The following TSPOAP1 variants were observed in gnomAD, a reference collection of about 807,000 sequenced individuals.
TSPOAP1 encodes the protein TSPO associated protein 1.
Under a neutral mutation model 197.0 loss-of-function variants are expected in TSPOAP1, and 87 were observed. The ratio of observed to expected loss-of-function variants is 0.44; its 90% CI spans 0.37 to 0.53. The LOEUF (loss-of-function observed/expected upper bound fraction) is 0.53. Ranked by LOEUF, TSPOAP1 falls within the 20% of genes least tolerant of loss-of-function variation. The probability of loss-of-function intolerance (pLI) is 0.00; values close to 1 mark genes in which losing one functional copy is unlikely to be tolerated. For synonymous variants in TSPOAP1, 913 were observed against 998.9 expected (o/e 0.91, Z 1.62); for missense variants, 2,174 against 2,411.3 (o/e 0.90, Z 2.06).
At chr17:58,318,658 G>A (rs982836112) in intron 13 of TSPOAP1, among the ~76,000 whole-genome samples, 1 of 152,164 alleles carries the variant, frequency 6.6e-6, no homozygotes, top group African/African-American at 2.4e-5. Flanking sequence ...AGCTTGATGA[G>A]ATGCATTTAA....
intron 22 of TSPOAP1, 84 bp from the exon 23 acceptor site, chr17:58,308,025 G>C (rs1253464996): frequency 3.7e-6 from 5 of 1,346,014 alleles, no homozygotes; most frequent in Non-Finnish European, 5.1e-6. Context: ...CCCCATCAGC[G>C]TAAGCAGCAC....
chr17:58,302,443 C>T lies in TSPOAP1; in HGVS notation c.*37G>A. 1 of 1,243,132 alleles carries T rather than the reference C, an allele frequency of 8.0e-7. No individual in the cohort carries two copies. Among genetic ancestry groups the T allele is most frequent in the Non-Finnish European group, 1.0e-6 (1 of 969,978 alleles). 77.0% of individuals were successfully genotyped at this position (1,243,132 alleles called of 1,614,324 possible). On this transcript the variant is annotated 3_prime_UTR_variant, in exon 32 of 32. Coordinates refer to ENST00000343736, the MANE Select transcript of TSPOAP1 (RefSeq NM_004758.4). ...TGGGGACCCTTGTGTGGTGCAGCCC[C>T]AGTCCTGAAATGTGAGACAGAAGGA... is the stretch of plus-strand genomic sequence containing the variant.
Position 58,304,478 on chromosome 17 carries a change from C to A in TSPOAP1, c.5545-79G>T. 6 of 1,204,064 alleles carry A rather than the reference C, an allele frequency of 5.0e-6. No individual in the cohort carries two copies. The highest frequency in any genetic ancestry group is 6.2e-6 in the Non-Finnish European group (5 of 807,232). 74.6% of individuals were successfully genotyped at this position (1,204,064 alleles called of 1,614,324 possible). ...TCCGCCCGGCCACCAGGTGGCCCTG[C>A]GCAGGGGTGGGCCCTACTCTCCAAG... is the stretch of plus-strand genomic sequence containing the variant. On this transcript the variant is annotated intron_variant, in intron 30 of 31. Coordinates refer to ENST00000343736, the MANE Select transcript of TSPOAP1 (RefSeq NM_004758.4). The surrounding 1 kb of genome is among the most constrained non-coding windows in gnomAD (Gnocchi z 4.2).
At position 58,327,516 on chromosome 17, in the gene TSPOAP1, C is replaced by T. The variant is rs186125605; in HGVS notation, c.333+72G>A. 19 of 1,523,458 alleles carry T rather than the reference C, an allele frequency of 1.2e-5. No homozygotes were observed. The Admixed American group carries it at 2.8e-4, about 22-fold the overall frequency. 94.4% of individuals were successfully genotyped at this position (1,523,458 alleles called of 1,614,324 possible). On this transcript the variant is annotated intron_variant, in intron 1 of 31. Transcript: ENST00000343736. ...ATTGGGGATGCATACCTCGCCTCAC[C>T]TCCTGGCCAGGCTGGAGGACATGGT... is the stretch of plus-strand genomic sequence containing the variant.
rs771533071 is a variant in TSPOAP1 at position 58,307,928 on chromosome 17, C to A, written c.4745G>T (p.Gly1582Val). The change falls in exon 23 of 32, where the codon GGA becomes GTA. Residue 1582 changes from glycine to valine, a missense_variant. Gly to Val is a moderately radical substitution (Grantham distance 109, BLOSUM62 -3). Around this residue, in one of 5 missense-constraint regions of TSPOAP1, gnomAD observed 1,933 missense variants for 2,139.0 expected, o/e 0.90. Transcript: ENST00000343736. ...KEPLSRATET[G>V]EARGQDGSGR... Reference sequence around the variant, plus strand: ...AGAGCCGTCCTGCCCTCTGGCCTCTCCGGTCTCTGTTGCCTGCAAAAAGAG... The same window carrying A: ...AGAGCCGTCCTGCCCTCTGGCCTCTACGGTCTCTGTTGCCTGCAAAAAGAG... 4 of 1,612,280 alleles carry A rather than the reference C, an allele frequency of 2.5e-6. No individual in the cohort carries two copies. The South Asian group carries it at 3.3e-5, about 13-fold the overall frequency.
intron 1 of TSPOAP1, 115 bp downstream of exon 1, chr17:58,327,473 A>T: frequency 9.5e-7 from 1 of 1,053,142 alleles, no homozygotes; most frequent in Non-Finnish European, 1.4e-6. Context: ...CAGACAGGCC[A>T]AGAGAGGACA....
At position 58,312,558 on chromosome 17, in the gene TSPOAP1, C is replaced by G. The variant is rs144600978; in HGVS notation, c.2263G>C (p.Gly755Arg). 2 of 1,609,304 alleles carry G rather than the reference C, an allele frequency of 1.2e-6. No homozygotes were observed. The change falls in exon 17 of 32, where the codon GGG (glycine) becomes CGG (arginine). Residue 755 changes from glycine to arginine, a missense_variant. Transcript: ENST00000343736. ...CTCCTTCCCACACTGCTTTGGCCCC[C>G]GCTACTGCTGCCACCCCCACCTACA... is the stretch of plus-strand genomic sequence containing the variant. ...LSVGGGGSSS[G>R]GQSSVGRSQP...
At chr17:58,306,764 G>A (rs1970907620) in intron 25 of TSPOAP1, 36 bp downstream of exon 25, 1 of 1,587,588 alleles carries the variant, frequency 6.3e-7, no homozygotes. Context: ...GAAGGGGGCT[G>A]GTGGGAGGTG....
chr17:58,306,474 T>C (rs1567838465), intron 25 of TSPOAP1, 61 bp from the exon 26 acceptor site: 2 of 1,441,842 alleles, frequency 1.4e-6, no homozygotes, highest in East Asian at 2.5e-5. Flanking sequence ...GGACTGGGAC[T>C]CTGGAGTTTC....
chr17:58,306,071 T>C (rs1020835635), intron 26 of TSPOAP1, among the ~76,000 whole-genome samples: 15 of 152,150 alleles, frequency 9.9e-5, no homozygotes, highest in Non-Finnish European at 2.1e-4. Flanking sequence ...GATTTTATAG[T>C]CAGGTGCCTG....
rs1387062455 is a variant in TSPOAP1, at chr17:58,324,109, TC to T, written c.943-565del. Among the ~76,000 whole-genome samples the T allele has an allele frequency of 2.6e-5, 4 of 152,098 alleles. No individual in the cohort carries two copies. The highest frequency in any genetic ancestry group is 9.7e-5 in the African/African-American group (4 of 41,420). On this transcript the variant is annotated intron_variant, in intron 5 of 31. Coordinates refer to ENST00000343736, the MANE Select transcript of TSPOAP1 (RefSeq NM_004758.4). The surrounding 1 kb of genome is among the most constrained non-coding windows in gnomAD (Gnocchi z 5.8). ...ACAGGTCTTGATGGGAGGGTGCATC[TC>T]CCTTCCAGGGCCAGCCAGGGAGACA...
chr17:58,305,359 G>C, intron 29 of TSPOAP1, 28 bp downstream of exon 29: 2 of 1,612,166 alleles, frequency 1.2e-6, no homozygotes, highest in Non-Finnish European at 1.7e-6. Context: ...GCTGGGATAT[G>C]GTACACCCTC....
rs35853224 is a variant in TSPOAP1, at chr17:58,304,231, T to TA, written c.*32+106dup. ...AGCTCTCCTTCGCCATTCCCTGGACTACAGTGGGAAAGCTGGGTCAGCTCC... is the reference window on the plus strand; with the variant it reads ...AGCTCTCCTTCGCCATTCCCTGGACTAACAGTGGGAAAGCTGGGTCAGCTCC... On this transcript the variant is annotated intron_variant, in intron 31 of 31. Transcript: ENST00000343736. This position sits in a 1 kb window ranked among gnomAD's most constrained non-coding sequence, Gnocchi z 4.2. 0.13 allele frequency: 125,964 copies of TA among 955,442 alleles called. 9,699 individuals carry two copies. Among genetic ancestry groups the TA allele is most frequent in the Non-Finnish European group, 0.16 (96,413 of 612,226 alleles). The allele number at this position is 955,442 out of a possible 1,614,324, so 59.2% of individuals were successfully genotyped here.
intron 24 of TSPOAP1, 100 bp from the exon 25 acceptor site, chr17:58,307,068 T>C: frequency 7.6e-7 from 1 of 1,311,418 alleles, no homozygotes; most frequent in Non-Finnish European, 1.1e-6. Context: ...AGAAGAATGT[T>C]CTCCCTTTTG....
At chr17:58,313,257 T>C (rs1971125122) in intron 16 of TSPOAP1, among the ~76,000 whole-genome samples, 1 of 152,198 alleles carries the variant, frequency 6.6e-6, no homozygotes, top group Non-Finnish European at 1.5e-5. Flanking sequence ...AACTTTTGTG[T>C]TAAAAATTGC....
chr17:58,316,198 C>T (rs1369927580), intron 15 of TSPOAP1, 66 bp from the exon 16 acceptor site: 1 of 1,324,214 alleles, frequency 7.6e-7, no homozygotes, highest in African/African-American at 1.4e-5. Context: ...GTCCTGTCTT[C>T]TCTCTCCCAC....
At position 58,306,289 on chromosome 17, in the gene TSPOAP1, C is replaced by T. The variant is rs1420995696; in HGVS notation, c.5224+53G>A. ...AAAACAGACAGCCAAGCAGCGCCACCCCACCGCACACACATCCTCCCAGCA... is the reference window on the plus strand; with the variant it reads ...AAAACAGACAGCCAAGCAGCGCCACTCCACCGCACACACATCCTCCCAGCA... On this transcript the variant is annotated intron_variant, in intron 26 of 31. Transcript: ENST00000343736. 3 of 1,496,008 alleles carry T rather than the reference C, an allele frequency of 2.0e-6. No homozygotes were observed. The Admixed American group carries it at 5.9e-5, about 29-fold the overall frequency. The allele number at this position is 1,496,008 out of a possible 1,614,324, so 92.7% of individuals were successfully genotyped here.
chr17:58,306,611 A>G, intron 25 of TSPOAP1, 189 bp downstream of exon 25: 1 of 904,506 alleles, frequency 1.1e-6, no homozygotes, highest in Non-Finnish European at 1.7e-6. Flanking sequence ...CCCCTCTGCA[A>G]CAGACGCCCA....
At position 58,328,213 on chromosome 17, in the gene TSPOAP1, G is replaced by T. The variant is rs573930541; in HGVS notation, c.-293C>A. 4.3e-6 allele frequency: 2 copies of T among 465,800 alleles called. No individual in the cohort carries two copies. Among genetic ancestry groups the T allele is most frequent in the Admixed American group, 7.0e-5 (2 of 28,680 alleles). 28.9% of individuals were successfully genotyped at this position (465,800 alleles called of 1,614,324 possible). ...TGTGGGGGTAGGGAGGATGTGCAGA[G>T]GCCACCGACAGCTGCGCCTGGGTGA... On this transcript the variant is annotated 5_prime_UTR_variant, in exon 1 of 32. Transcript: ENST00000343736. The surrounding 1 kb of genome is among the most constrained non-coding windows in gnomAD (Gnocchi z 4.3).
Sources: gnomAD v4.1 joint callset for allele counts (sites outside exome capture counted in the v4.1 genomes callset) on GRCh38, gnomAD v4.1.1 for gene constraint, gnomAD v4.1.1 regional missense constraint, Gnocchi (gnomAD v3.1) non-coding constraint, MANE v1.5 for transcripts, NCBI Gene and HGNC (gene_info 2026-07-23, HGNC 2026-07-21) for gene names.